Variants in AGXT2 observed in about 807,000 individuals in gnomAD.
AGXT2 encodes the protein alanine--glyoxylate aminotransferase 2, also known as alanine--glyoxylate aminotransferase 2, mitochondrial.
AGXT2 carries 61 observed loss-of-function variants against 62.5 expected under a neutral mutation model. The ratio of observed to expected loss-of-function variants is 0.98; its 90% CI spans 0.79 to 1.21. The LOEUF is 1.21. AGXT2 is among the 50% of genes most tolerant of loss of function. The probability of loss-of-function intolerance (pLI) is 0.00; values close to 1 mark genes in which losing one functional copy is unlikely to be tolerated. For synonymous variants in AGXT2, 243 were observed against 218.7 expected, an observed-to-expected ratio of 1.11 and a Z score of -0.98; for missense variants, 666 against 641.5, an observed-to-expected ratio of 1.04 and a Z score of -0.41.
At chr5:35,013,745 T>C (rs1392141028) in intron 10 of AGXT2, among the ~76,000 whole-genome samples, 1 of 143,944 alleles carries the variant, frequency 6.9e-6, no homozygotes, top group Non-Finnish European at 1.5e-5. Flanking sequence ...ATTGTGCCAC[T>C]GCACTCAAGC....
At position 35,026,457 on chromosome 5, in the gene AGXT2, T is replaced by C; in HGVS notation, c.823A>G (p.Thr275Ala). 1 of 1,614,194 alleles carries C rather than the reference T, an allele frequency of 6.2e-7. No individual in the cohort carries two copies. The highest frequency in any genetic ancestry group is 8.5e-7 in the Non-Finnish European group (1 of 1,180,014). The change falls in exon 8 of 14, where the codon ACA (threonine) becomes GCA (alanine). Residue 275 changes from threonine to alanine, a missense_variant. Physicochemically the swap from Thr to Ala is moderately conservative, Grantham distance 58. Coordinates refer to ENST00000231420, the MANE Select transcript of AGXT2 (RefSeq NM_031900.4). ...YIEQFKDTLS[T>A]SVAKSIAGFF... ...CCAGCAATTGACTTGGCCACAGATG[T>C]GCTCAGCGTATCTTTGAATTGCTCA...
At chr5:35,047,702 C>T (rs10223180) in intron 1 of AGXT2, 103 bp downstream of exon 1, 308,705 of 1,445,550 alleles carry the variant, frequency 0.21, 33,492 homozygotes, top group Middle Eastern at 0.29. Flanking sequence ...TAAGACCTCA[C>T]CCAGGTCTAA....
At position 35,018,722 on chromosome 5, in the gene AGXT2, A is replaced by T. The variant is rs1431117448; in HGVS notation, c.964-4603T>A. Among the ~76,000 whole-genome samples the T allele has an allele frequency of 3.1e-3, 454 of 147,120 alleles. 4 individuals carry two copies. The highest frequency in any genetic ancestry group is 0.011 in the African/African-American group (434 of 39,598). ...TGACAGGATCAAATTCACACATAAC[A>T]ATATTAACTTTAAATGTAAATGGAC... On this transcript the variant is annotated intron_variant, in intron 9 of 13. Transcript: ENST00000231420.
At chr5:35,035,113 A>T in intron 5 of AGXT2, 109 bp downstream of exon 5, 1 of 968,836 alleles carries the variant, frequency 1.0e-6, no homozygotes, top group Non-Finnish European at 1.7e-6. Flanking sequence ...AACTAGAAAA[A>T]TATCCCTGAG....
At chr5:35,033,407 C>A in intron 6 of AGXT2, 53 bp downstream of exon 6, 1 of 1,381,174 alleles carries the variant, frequency 7.2e-7, no homozygotes, top group South Asian at 1.2e-5. Context: ...TGATCAACTA[C>A]TTCACATACC....
chr5:35,033,432 G>A, intron 6 of AGXT2, 28 bp downstream of exon 6: 1 of 1,549,754 alleles, frequency 6.5e-7, no homozygotes, highest in African/African-American at 1.4e-5. Flanking sequence ...AGTCTTTAAA[G>A]AAACAAGAGA....
chr5:35,004,566 T>G (rs866753746), intron 12 of AGXT2, among the ~76,000 whole-genome samples: 25 of 152,158 alleles, frequency 1.6e-4, no homozygotes, highest in Non-Finnish European at 1.5e-5. Context: ...AGTACAAACG[T>G]CTCCCTCTGA....
chr5:35,032,857 G>A lies in AGXT2; in HGVS notation c.676-32C>T, dbSNP rs781016236. The A allele has an allele frequency of 3.2e-6, 5 of 1,565,070 alleles. No individual in the cohort carries two copies. The African/African-American group carries it at 5.4e-5, about 17-fold the overall frequency. On this transcript the variant is annotated intron_variant, in intron 6 of 13. Transcript: ENST00000231420. ...ATGACAAAAGAAGGAGTGTGGCAAA[G>A]CATGAACACAAGACAGCCAAGTTAG...
intron 11 of AGXT2, 136 bp from the exon 12 acceptor site, chr5:35,010,285 A>G: frequency 1.8e-6 from 2 of 1,129,736 alleles, no homozygotes; most frequent in Non-Finnish European, 2.7e-6. Flanking sequence ...TGTGACCACA[A>G]GGACTACAAA....
At chr5:35,019,476 T>G (rs1009300407) in intron 9 of AGXT2, among the ~76,000 whole-genome samples, 4 of 151,342 alleles carry the variant, frequency 2.6e-5, no homozygotes, top group Non-Finnish European at 5.9e-5. Flanking sequence ...GAATGACTAC[T>G]GGGTACATAA....
At chr5:35,007,826 G>C (rs1440788001) in intron 12 of AGXT2, among the ~76,000 whole-genome samples, 1 of 152,158 alleles carries the variant, frequency 6.6e-6, no homozygotes. Context: ...GTGCTTGGGT[G>C]GTGGGGGCAG....
At chr5:35,035,796 G>A (rs1274605773) in intron 4 of AGXT2, among the ~76,000 whole-genome samples, 1 of 152,190 alleles carries the variant, frequency 6.6e-6, no homozygotes, top group Admixed American at 6.5e-5. Context: ...AAGTAAACAA[G>A]CCGGGTGCGG....
intron 9 of AGXT2, among the ~76,000 whole-genome samples, chr5:35,022,505 T>C (rs1473436127): frequency 7.2e-6 from 1 of 138,462 alleles, no homozygotes; most frequent in East Asian, 2.2e-4. Context: ...TTCTCACTCA[T>C]AGGTGGGAAT....
intron 9 of AGXT2, among the ~76,000 whole-genome samples, chr5:35,016,962 G>A (rs1561218493): frequency 1.3e-5 from 2 of 152,184 alleles, no homozygotes; most frequent in African/African-American, 4.8e-5. Flanking sequence ...ATGTCTTGCA[G>A]TCAGTTTCAA....
intron 13 of AGXT2, among the ~76,000 whole-genome samples, chr5:34,999,888 T>C (rs551746420): frequency 6.6e-6 from 1 of 152,258 alleles, no homozygotes; most frequent in Non-Finnish European, 1.5e-5. Context: ...TCCCATCTCC[T>C]TCACTCCAGG....
At chr5:35,003,966 C>T (rs964978190) in intron 12 of AGXT2, 105 bp from the exon 13 acceptor site, 5 of 990,814 alleles carry the variant, frequency 5.0e-6, no homozygotes, top group African/African-American at 4.9e-5. Flanking sequence ...CAATGCCCCT[C>T]TTTTTTTTCT....
At chr5:35,045,858 C>T (rs1329906232) in intron 1 of AGXT2, among the ~76,000 whole-genome samples, 1 of 148,208 alleles carries the variant, frequency 6.7e-6, no homozygotes, top group Non-Finnish European at 1.5e-5. Flanking sequence ...AGCTCCGACT[C>T]CCGGGTTCAA....
At chr5:35,029,297 T>A (rs1328453572) in intron 7 of AGXT2, among the ~76,000 whole-genome samples, 1 of 152,180 alleles carries the variant, frequency 6.6e-6, no homozygotes. Context: ...AGAGAAGTAA[T>A]TTGGAAATTT....
intron 12 of AGXT2, 62 bp from the exon 13 acceptor site, chr5:35,003,923 C>T: frequency 6.5e-7 from 1 of 1,530,652 alleles, no homozygotes; most frequent in African/African-American, 1.4e-5. Context: ...GAATTATTTG[C>T]AAGAGAGGAA....
Sources: gnomAD v4.1 joint callset for allele counts (sites outside exome capture counted in the v4.1 genomes callset) on GRCh38, gnomAD v4.1.1 for gene constraint, MANE v1.5 for transcripts, NCBI Gene and HGNC (gene_info 2026-07-23, HGNC 2026-07-21) for gene names.